Variants in BRINP3 observed in about 807,000 individuals in gnomAD.
BRINP3 encodes BMP/retinoic acid-inducible neural-specific protein 3.
In BRINP3, 19 loss-of-function variants were observed where a neutral mutation model predicts 71.0. That is an observed-to-expected ratio of 0.27 (90% CI 0.19 to 0.39). BRINP3 has a LOEUF of 0.39. BRINP3 is among the 10% of genes least tolerant of loss of function. The probability of loss-of-function intolerance (pLI) is 1.00; values close to 1 mark genes in which losing one functional copy is unlikely to be tolerated. For synonymous variants in BRINP3, 380 were observed against 337.7 expected (o/e 1.13, Z -1.37); for missense variants, 959 against 940.8 (o/e 1.02, Z -0.25).
intron 2 of BRINP3, among the ~76,000 whole-genome samples, chr1:190,395,450 T>C (rs1671507845): frequency 6.6e-6 from 1 of 151,738 alleles, no homozygotes; most frequent in South Asian, 2.1e-4. Context: ...AAATGACTTC[T>C]CCAGATTTTC....
intron 3 of BRINP3, among the ~76,000 whole-genome samples, chr1:190,277,087 T>TATATATATATATATATA (rs1553276640): frequency 2.5e-4 from 9 of 36,004 alleles, no homozygotes; most frequent in African/African-American, 5.1e-4. Flanking sequence ...AATTTTGGTT[T>TATATATATATATATATA]TATATATATA....
intron 2 of BRINP3, among the ~76,000 whole-genome samples, chr1:190,303,777 A>T (rs1371170754): frequency 1.3e-5 from 2 of 151,820 alleles, no homozygotes; most frequent in African/African-American, 2.4e-5. Flanking sequence ...TTAATGTGAT[A>T]TATGTGAAAA....
chr1:190,315,240 C>A (rs540310492), intron 2 of BRINP3, among the ~76,000 whole-genome samples: 1 of 152,102 alleles, frequency 6.6e-6, no homozygotes, highest in Non-Finnish European at 1.5e-5. Context: ...AGATTAGATG[C>A]CATGGAAATA....
chr1:190,297,286 G>A (rs992319242), intron 2 of BRINP3, among the ~76,000 whole-genome samples: 2 of 151,730 alleles, frequency 1.3e-5, no homozygotes, highest in African/African-American at 2.4e-5. Context: ...ACACAATCAG[G>A]AAATAAACAG....
chr1:190,450,527 C>T (rs1441244217), intron 2 of BRINP3, among the ~76,000 whole-genome samples: 1 of 152,036 alleles, frequency 6.6e-6, no homozygotes, highest in Non-Finnish European at 1.5e-5. Context: ...AAACCAGAAT[C>T]CTCATAGTTT....
At chr1:190,120,564 T>A (rs550620095) in intron 7 of BRINP3, among the ~76,000 whole-genome samples, 177 of 152,158 alleles carry the variant, frequency 1.2e-3, no homozygotes, top group Non-Finnish European at 1.9e-3. Context: ...GGTGCAATCT[T>A]GGCTCACTGC....
At chr1:190,127,961 A>G (rs1654225343) in intron 7 of BRINP3, among the ~76,000 whole-genome samples, 1 of 151,812 alleles carries the variant, frequency 6.6e-6, no homozygotes, top group African/African-American at 2.4e-5. Context: ...AGAAAAGACA[A>G]AGAGTGATTC....
chr1:190,434,317 C>A (rs1674305513), intron 2 of BRINP3, among the ~76,000 whole-genome samples: 1 of 151,824 alleles, frequency 6.6e-6, no homozygotes, highest in African/African-American at 2.4e-5. Context: ...ACCATCTTGG[C>A]CAGGCTGGTC....
chr1:190,369,790 A>G (rs964164004), intron 2 of BRINP3, among the ~76,000 whole-genome samples: 8 of 152,150 alleles, frequency 5.3e-5, no homozygotes, highest in African/African-American at 1.9e-4. Flanking sequence ...ATGTGACATA[A>G]TGGTCAGATC....
chr1:190,206,515 G>T (rs1209015097), intron 6 of BRINP3, among the ~76,000 whole-genome samples: 1 of 151,798 alleles, frequency 6.6e-6, no homozygotes, highest in Non-Finnish European at 1.5e-5. Flanking sequence ...AAAAAAAGAG[G>T]GACTCTTACT....
intron 2 of BRINP3, among the ~76,000 whole-genome samples, chr1:190,452,677 GAAATC>G (rs1271162032): frequency 6.6e-6 from 1 of 152,094 alleles, no homozygotes; most frequent in Non-Finnish European, 1.5e-5. Context: ...TCACCAACAT[GAAATC>G]CCGTCTCTAC....
intron 2 of BRINP3, among the ~76,000 whole-genome samples, chr1:190,301,250 T>C (rs116668104): frequency 0.12 from 15,617 of 133,440 alleles, 1,407 homozygotes; most frequent in South Asian, 0.22. Flanking sequence ...CATACATATA[T>C]ATATATATCT....
chr1:190,404,135 T>C (rs980395707), intron 2 of BRINP3, among the ~76,000 whole-genome samples: 1 of 152,182 alleles, frequency 6.6e-6, no homozygotes, highest in Non-Finnish European at 1.5e-5. Flanking sequence ...TCATGCTCTT[T>C]AAGTCAAATC....
chr1:190,112,571 CAA>C (rs2102286917), intron 7 of BRINP3, among the ~76,000 whole-genome samples: 1 of 152,238 alleles, frequency 6.6e-6, no homozygotes, highest in African/African-American at 2.4e-5. Flanking sequence ...TTATGAAAAA[CAA>C]TTTGAAAATT....
chr1:190,211,980 C>G (rs1336667090), intron 6 of BRINP3, among the ~76,000 whole-genome samples: 1 of 152,072 alleles, frequency 6.6e-6, no homozygotes, highest in Non-Finnish European at 1.5e-5. Context: ...GCTAAATACC[C>G]TCCCTGGTAC....
At chr1:190,397,598 T>C (rs1005259669) in intron 2 of BRINP3, among the ~76,000 whole-genome samples, 1 of 152,036 alleles carries the variant, frequency 6.6e-6, no homozygotes, top group Admixed American at 6.6e-5. Context: ...TATAATTATA[T>C]TCTAAATTTT....
chr1:190,447,899 A>C (rs2102594997), intron 2 of BRINP3, among the ~76,000 whole-genome samples: 1 of 151,744 alleles, frequency 6.6e-6, no homozygotes, highest in African/African-American at 2.4e-5. Context: ...ATTTACACAT[A>C]CTCATCACAA....
rs932028293 is a variant in BRINP3 at position 190,222,411 on chromosome 1, A to G, written c.961+3671T>C. The stretch of plus-strand genomic sequence containing the variant: ...CTTGAGATACAATAACATCTATATC[A>G]AGCGGGATGTTTATAGTAATAAATG... On this transcript the variant is annotated intron_variant, in intron 6 of 7. Coordinates refer to ENST00000367462, the MANE Select transcript of BRINP3 (RefSeq NM_199051.3). Among the ~76,000 whole-genome samples, 195 of 151,986 alleles carry G rather than the reference A, an allele frequency of 1.3e-3. 3 individuals are homozygous for G. The highest frequency in any genetic ancestry group is 1.8e-4 in the Non-Finnish European group (12 of 67,916).
At chr1:190,166,238 G>A (rs1651525937) in intron 6 of BRINP3, among the ~76,000 whole-genome samples, 1 of 152,182 alleles carries the variant, frequency 6.6e-6, no homozygotes, top group South Asian at 2.1e-4. Context: ...AGGCTACAAA[G>A]TGATGGGTAC....
Sources: gnomAD v4.1 joint callset for allele counts (sites outside exome capture counted in the v4.1 genomes callset) on GRCh38, gnomAD v4.1.1 for gene constraint, MANE v1.5 for transcripts, NCBI Gene and HGNC (gene_info 2026-07-23, HGNC 2026-07-21) for gene names.